Variants in EXOC6 observed in about 807,000 individuals in gnomAD.
The protein encoded by EXOC6 is SEC15-like 1.
A neutral mutation model predicts 112.5 loss-of-function variants in EXOC6; 60 were observed. The ratio of observed to expected loss-of-function variants is 0.53; its 90% CI spans 0.43 to 0.66. The LOEUF is 0.66. EXOC6 is among the 30% of genes least tolerant of loss of function. The probability of loss-of-function intolerance (pLI) is 0.00; values close to 1 mark genes in which losing one functional copy is unlikely to be tolerated. For missense variants in EXOC6, 855 were observed against 957.1 expected (o/e 0.89, Z 1.41); for synonymous variants, 295 against 308.0 (o/e 0.96, Z 0.44).
chr10:92,853,037 A>T (rs1385417578), intron 1 of EXOC6, among the ~76,000 whole-genome samples: 1 of 152,190 alleles, frequency 6.6e-6, no homozygotes, highest in Admixed American at 6.5e-5. Context: ...ACTAGAACTG[A>T]TAAGTGAGTT....
intron 17 of EXOC6, among the ~76,000 whole-genome samples, chr10:92,969,156 C>G (rs529154204): frequency 6.6e-6 from 1 of 152,192 alleles, no homozygotes; most frequent in East Asian, 1.9e-4. Context: ...TGCCTTTATT[C>G]CAAGCATGGA....
chr10:92,888,984 A>G (rs552649821), intron 1 of EXOC6, among the ~76,000 whole-genome samples: 1 of 152,374 alleles, frequency 6.6e-6, no homozygotes, highest in South Asian at 2.1e-4. Context: ...AGAGGCAGTG[A>G]TAGTTTCTCT....
At chr10:92,886,885 T>C (rs1195752641) in intron 1 of EXOC6, among the ~76,000 whole-genome samples, 1 of 152,236 alleles carries the variant, frequency 6.6e-6, no homozygotes, top group Non-Finnish European at 1.5e-5. Context: ...TTGGAACTTA[T>C]GGTTCTGTTT....
At chr10:92,976,622 C>CAA (rs10676495) in intron 18 of EXOC6, among the ~76,000 whole-genome samples, 65,686 of 146,112 alleles carry the variant, frequency 0.45, 15,625 homozygotes, top group African/African-American at 0.6. Context: ...ATGACCCTGC[C>CAA]ATCCCCCTCT....
At position 92,893,343 on chromosome 10, in the gene EXOC6, A is replaced by C. The variant is rs528958776; in HGVS notation, c.102-6A>C. On this transcript the variant is annotated splice_region_variant and splice_polypyrimidine_tract_variant and intron_variant, in intron 1 of 21. Coordinates refer to ENST00000260762, the MANE Select transcript of EXOC6 (RefSeq NM_019053.6). Reference sequence around the variant, plus strand: ...GGTTAATTTTAGCTTTCTTATATACATTCAGGTCTGTGTATGATGACCAAC... The same window carrying C: ...GGTTAATTTTAGCTTTCTTATATACCTTCAGGTCTGTGTATGATGACCAAC... The C allele has an allele frequency of 1.9e-5, 30 of 1,595,990 alleles. No individual in the cohort carries two copies. Among genetic ancestry groups the C allele is most frequent in the Admixed American group, 3.5e-5 (2 of 57,378 alleles).
chr10:92,852,476 GAATTA>G (rs1847400270), intron 1 of EXOC6, among the ~76,000 whole-genome samples: 1 of 151,842 alleles, frequency 6.6e-6, no homozygotes, highest in South Asian at 2.1e-4. Context: ...AAATTTTAGA[GAATTA>G]AATCCATATA....
At chr10:92,966,931 C>T (rs1183099282) in intron 17 of EXOC6, among the ~76,000 whole-genome samples, 1 of 121,388 alleles carries the variant, frequency 8.2e-6, no homozygotes, top group Non-Finnish European at 1.7e-5. Flanking sequence ...CCTGTTTCTC[C>T]ACATCCTCTC....
At chr10:92,937,239 G>A (rs1438386309) in intron 12 of EXOC6, among the ~76,000 whole-genome samples, 10 of 152,030 alleles carry the variant, frequency 6.6e-5, no homozygotes, top group Non-Finnish European at 1.5e-5. Flanking sequence ...GATAAGAGCT[G>A]TTACTTAAAA....
intron 13 of EXOC6, among the ~76,000 whole-genome samples, chr10:92,945,233 A>G (rs11187221): frequency 0.1 from 15,467 of 152,062 alleles, 872 homozygotes; most frequent in Admixed American, 0.17. Flanking sequence ...GTTTTCTTCT[A>G]TTGAGTTGAG....
chr10:92,901,840 A>G (rs1161981031), intron 5 of EXOC6: 1 of 149,808 alleles, frequency 6.7e-6, no homozygotes, highest in Admixed American at 6.7e-5. Flanking sequence ...TCTACTGAAA[A>G]AAAAAAAAAA....
At chr10:93,027,284 G>A (rs1014693079) in intron 20 of EXOC6, among the ~76,000 whole-genome samples, 3 of 152,188 alleles carry the variant, frequency 2.0e-5, no homozygotes, top group Non-Finnish European at 2.9e-5. Flanking sequence ...GAGGTTTAAG[G>A]AAAGAAGCCA....
At chr10:92,989,259 G>T (rs1380269368) in intron 18 of EXOC6, among the ~76,000 whole-genome samples, 4 of 152,180 alleles carry the variant, frequency 2.6e-5, no homozygotes, top group Admixed American at 1.3e-4. Flanking sequence ...TTTCTTGTTT[G>T]TATAAAGCGT....
chr10:92,954,839 T>C (rs1343280551), intron 16 of EXOC6, 98 bp downstream of exon 16: 7 of 588,396 alleles, frequency 1.2e-5, no homozygotes, highest in Non-Finnish European at 2.1e-5. Context: ...GCTTCCTGTT[T>C]TAAATGTATT....
chr10:92,909,322 G>C, intron 5 of EXOC6, 105 bp from the exon 6 acceptor site: 1 of 727,710 alleles, frequency 1.4e-6, no homozygotes, highest in East Asian at 2.8e-5. Flanking sequence ...CTAGGACTAG[G>C]TCCTTTTTGA....
intron 20 of EXOC6, among the ~76,000 whole-genome samples, chr10:93,029,523 A>G (rs1187443567): frequency 6.6e-6 from 1 of 152,162 alleles, no homozygotes; most frequent in Non-Finnish European, 1.5e-5. Context: ...TTCTTTGTAT[A>G]TTCTGAATGG....
chr10:93,043,431 T>C (rs919885285), intron 20 of EXOC6, among the ~76,000 whole-genome samples: 1 of 152,214 alleles, frequency 6.6e-6, no homozygotes, highest in Middle Eastern at 3.2e-3. Flanking sequence ...CTGTTTGTTA[T>C]TTCTCTTTCT....
At chr10:92,877,083 C>T (rs1848716177) in intron 1 of EXOC6, among the ~76,000 whole-genome samples, 1 of 152,078 alleles carries the variant, frequency 6.6e-6, no homozygotes, top group African/African-American at 2.4e-5. Flanking sequence ...GAAACTTACC[C>T]TTTGTGGTTT....
chr10:93,039,977 C>G (rs1030807640), intron 20 of EXOC6, among the ~76,000 whole-genome samples: 3 of 152,186 alleles, frequency 2.0e-5, no homozygotes, highest in African/African-American at 7.2e-5. Flanking sequence ...CCCCTGGTTC[C>G]TCATTTCTAT....
At chr10:92,978,145 C>T (rs1287046945) in intron 18 of EXOC6, among the ~76,000 whole-genome samples, 1 of 152,148 alleles carries the variant, frequency 6.6e-6, no homozygotes, top group Non-Finnish European at 1.5e-5. Flanking sequence ...TACGTTGGCT[C>T]ACACCTATAA....
Sources: gnomAD v4.1 joint callset for allele counts (sites outside exome capture counted in the v4.1 genomes callset) on GRCh38, gnomAD v4.1.1 for gene constraint, MANE v1.5 for transcripts, NCBI Gene and HGNC (gene_info 2026-07-23, HGNC 2026-07-21) for gene names.